The following DDR2 variants were observed in gnomAD, a reference collection of about 807,000 sequenced individuals.
DDR2 encodes discoidin domain receptor tyrosine kinase 2.
In DDR2, 27 loss-of-function variants were observed where a neutral mutation model predicts 94.9. The observed-to-expected ratio is 0.28, with a 90% CI of 0.21 to 0.39. The LOEUF is 0.39. Among genes scored for constraint, DDR2 ranks in the 10% least tolerant of loss-of-function variants. DDR2 has a pLI of 1.00. For missense variants in DDR2, 783 were observed against 1,076.0 expected (o/e 0.73, Z 3.81); for synonymous variants, 382 against 377.2 (o/e 1.01, Z -0.15).
intron 12 of DDR2, chr1:162,770,716 T>A (rs1331104778): frequency 1.4e-6 from 1 of 710,692 alleles, no homozygotes; most frequent in Admixed American, 2.0e-5. Context: ...ATATAAGATG[T>A]GTGGAGGGAC....
intron 2 of DDR2, among the ~76,000 whole-genome samples, chr1:162,706,255 T>C (rs1241754841): frequency 2.0e-5 from 3 of 152,178 alleles, no homozygotes; most frequent in Non-Finnish European, 2.9e-5. Flanking sequence ...ATTCACTGAT[T>C]ATCTCCCAAC....
intron 2 of DDR2, among the ~76,000 whole-genome samples, chr1:162,696,213 T>A (rs1241989739): frequency 1.3e-4 from 13 of 97,330 alleles, no homozygotes; most frequent in South Asian, 3.7e-4. Context: ...TTTTTTTTTT[T>A]TAAAAAAAAA....
Position 162,777,246 on chromosome 1 carries a change from AT to A in DDR2, c.2283+884del, listed in dbSNP as rs1252188090. 8.6e-5 allele frequency among the ~76,000 whole-genome samples: 13 copies of A among 151,562 alleles called. No individual in the cohort carries two copies. In the South Asian group the frequency reaches 2.3e-3, roughly 27 times the overall value. ...TACATATATTTTTTCTATGCATGCA[AT>A]TTTTTTTCTGTGCATGCATTTATAT... On this transcript the variant is annotated intron_variant, in intron 16 of 17. Transcript: ENST00000367921.
chr1:162,717,567 C>T (rs1661228756), intron 2 of DDR2, among the ~76,000 whole-genome samples: 1 of 152,156 alleles, frequency 6.6e-6, no homozygotes. Context: ...ACTTAGTTAT[C>T]ATATCTCCTT....
intron 2 of DDR2, among the ~76,000 whole-genome samples, chr1:162,682,185 A>G (rs139524926): frequency 5.2e-4 from 79 of 152,124 alleles, no homozygotes; most frequent in African/African-American, 1.8e-3. Flanking sequence ...GGTGGGCCTC[A>G]CTGGAGCTGG....
intron 3 of DDR2, among the ~76,000 whole-genome samples, chr1:162,743,527 G>T (rs572413343): frequency 6.6e-6 from 1 of 152,124 alleles, no homozygotes; most frequent in South Asian, 2.1e-4. Context: ...CCTTTCTGAG[G>T]GCAGGCTTTC....
At chr1:162,658,499 C>T (rs1658120055) in intron 2 of DDR2, among the ~76,000 whole-genome samples, 1 of 152,012 alleles carries the variant, frequency 6.6e-6, no homozygotes, top group African/African-American at 2.4e-5. Context: ...GGATGTCCCT[C>T]CACCAGAGAG....
chr1:162,739,312 A>T (rs1483084252), intron 3 of DDR2, among the ~76,000 whole-genome samples: 1 of 151,814 alleles, frequency 6.6e-6, no homozygotes, highest in Non-Finnish European at 1.5e-5. Flanking sequence ...ATGAACAGAC[A>T]CTTCTCGTTT....
At chr1:162,737,729 G>A (rs1202185214) in intron 3 of DDR2, among the ~76,000 whole-genome samples, 16 of 116,070 alleles carry the variant, frequency 1.4e-4, no homozygotes, top group African/African-American at 4.3e-4. Context: ...CTGAGGAATC[G>A]CCACACTGAC....
chr1:162,660,684 C>T (rs940422014), intron 2 of DDR2, among the ~76,000 whole-genome samples: 3 of 152,180 alleles, frequency 2.0e-5, no homozygotes, highest in South Asian at 2.1e-4. Context: ...GAGTTGTCAC[C>T]GGACACCTTC....
At chr1:162,744,997 A>G (rs1410526475) in intron 3 of DDR2, among the ~76,000 whole-genome samples, 1 of 152,166 alleles carries the variant, frequency 6.6e-6, no homozygotes, top group African/African-American at 2.4e-5. Flanking sequence ...CCTTGCCAAC[A>G]TTTGTTATCT....
intron 2 of DDR2, among the ~76,000 whole-genome samples, chr1:162,662,804 C>T (rs73018579): frequency 4.0e-5 from 6 of 151,730 alleles, no homozygotes; most frequent in Non-Finnish European, 8.8e-5. Context: ...GGATTGATTG[C>T]GATTCAGTAG....
intron 2 of DDR2, among the ~76,000 whole-genome samples, chr1:162,699,020 A>G (rs546609740): frequency 1.3e-5 from 2 of 152,168 alleles, no homozygotes; most frequent in African/African-American, 4.8e-5. Flanking sequence ...TACTATAAGG[A>G]TATTCTCTGG....
intron 2 of DDR2, among the ~76,000 whole-genome samples, chr1:162,684,524 C>T (rs1204606807): frequency 6.6e-6 from 1 of 152,126 alleles, no homozygotes; most frequent in African/African-American, 2.4e-5. Flanking sequence ...GAATGGGACT[C>T]ATTCTTGCAG....
chr1:162,761,060 C>T (rs1341712441), intron 8 of DDR2, 151 bp from the exon 9 acceptor site: 1 of 1,142,914 alleles, frequency 8.7e-7, no homozygotes, highest in Admixed American at 1.9e-5. Flanking sequence ...CTGAAATGTA[C>T]CTAGGAGGAA....
At position 162,785,765 on chromosome 1, in the gene DDR2, A is replaced by C. The variant is rs534800795; in HGVS notation, c.*5519A>C. 41 of 152,320 alleles carry C rather than the reference A, an allele frequency of 2.7e-4. No individual in the cohort carries two copies. Among genetic ancestry groups the C allele is most frequent in the African/African-American group, 9.1e-4 (38 of 41,572 alleles). 9.4% of individuals were successfully genotyped at this position (152,320 alleles called of 1,614,324 possible). On this transcript the variant is annotated 3_prime_UTR_variant, in exon 18 of 18. Coordinates refer to ENST00000367921, the MANE Select transcript of DDR2 (RefSeq NM_006182.4). ...ATTTTCAAGTGAGGAAAGAGAAAAAAATTACTCAGACTTGTTCCTGGTGAA... is the reference window on the plus strand; with the variant it reads ...ATTTTCAAGTGAGGAAAGAGAAAAACATTACTCAGACTTGTTCCTGGTGAA...
At chr1:162,642,124 T>C (rs1399113915) in intron 1 of DDR2, among the ~76,000 whole-genome samples, 3 of 150,426 alleles carry the variant, frequency 2.0e-5, no homozygotes, top group Non-Finnish European at 3.0e-5. Flanking sequence ...GCCCAGCTAA[T>C]TTTTGTATTT....
Position 162,775,709 on chromosome 1 carries a change from C to T in DDR2, c.1914C>T (p.Ile638=), listed in dbSNP as rs746988653. The part of the protein sequence containing the change: ...IMSRLKDPNI[I]HLLAVCITDD... ...CTCGGCTCAAGGACCCAAACATCATCCATCTATTAGCTGTGTGTATCACTG... is the reference window on the plus strand; with the variant it reads ...CTCGGCTCAAGGACCCAAACATCATTCATCTATTAGCTGTGTGTATCACTG... The change falls in exon 15 of 18, where the codon ATC becomes ATT. Residue 638 remains isoleucine (I), a synonymous_variant. Transcript: ENST00000367921. 2.5e-6 allele frequency: 4 copies of T among 1,614,006 alleles called. No homozygotes were observed. Among genetic ancestry groups the T allele is most frequent in the South Asian group, 2.2e-5 (2 of 91,080 alleles).
At chr1:162,772,365 C>A in intron 13 of DDR2, 118 bp downstream of exon 13, 1 of 1,081,974 alleles carries the variant, frequency 9.2e-7, no homozygotes, top group Non-Finnish European at 1.4e-6. Context: ...TTCCATTTGT[C>A]TCTCCTTGCA....
Sources: allele counts gnomAD v4.1 joint callset (sites outside exome capture counted in the v4.1 genomes callset), GRCh38; gene constraint gnomAD v4.1.1; transcripts MANE v1.5; gene names NCBI Gene and HGNC (gene_info 2026-07-23, HGNC 2026-07-21).